The following PSTPIP1 variants were observed in gnomAD, a reference collection of about 807,000 sequenced individuals.
PSTPIP1 encodes proline-serine-threonine phosphatase interacting protein 1.
PSTPIP1 carries 66 observed loss-of-function variants against 69.6 expected under a neutral mutation model. The observed-to-expected ratio is 0.95, with a 90% CI of 0.78 to 1.16. PSTPIP1 has a LOEUF of 1.16. Among genes scored for constraint, PSTPIP1 ranks in the 50% most tolerant of loss-of-function variants. The pLI is 0.00. For synonymous variants in PSTPIP1, 266 were observed against 222.7 expected (o/e 1.19, Z -1.73); for missense variants, 603 against 557.4 (o/e 1.08, Z -0.82).
At chr15:77,016,621 G>T (rs149869928) in intron 1 of PSTPIP1, among the ~76,000 whole-genome samples, 1 of 152,040 alleles carries the variant, frequency 6.6e-6, no homozygotes, top group Admixed American at 6.5e-5. Context: ...GCTTATGGAG[G>T]GGGTAGGAGC....
intron 1 of PSTPIP1, among the ~76,000 whole-genome samples, chr15:76,999,282 CTT>C (rs35274013): frequency 1.4e-5 from 2 of 144,838 alleles, no homozygotes; most frequent in African/African-American, 5.1e-5. Context: ...CTTCATTTCA[CTT>C]TTTTTTTTTT....
rs566088503 is a variant in PSTPIP1, at chr15:77,012,112, GCCATCCATCCATCCATCCAT to G, written c.37-6008_37-5989del. On this transcript the variant is annotated intron_variant, in intron 1 of 14. Transcript: ENST00000558012. The stretch of plus-strand genomic sequence containing the variant: ...ACCGCCTTGTTTACTGAGGGCTCTG[GCCATCCATCCATCCATCCAT>G]CCATCCATCCATCCATCCATCCATC... Among the ~76,000 whole-genome samples, 42 of 88,556 alleles carry G rather than the reference GCCATCCATCCATCCATCCAT, an allele frequency of 4.7e-4. 1 individual carries two copies. In the East Asian group the frequency reaches 7.4e-3, roughly 16 times the overall value. 58.1% of individuals were successfully genotyped at this position (88,556 alleles called of 152,430 possible). A position where few individuals can be genotyped will look rare whatever the true frequency, so the allele number is the denominator to read the frequency against.
chr15:77,033,405 G>A (rs1270397631), intron 12 of PSTPIP1, among the ~76,000 whole-genome samples: 2 of 152,172 alleles, frequency 1.3e-5, no homozygotes, highest in African/African-American at 4.8e-5. Context: ...GTGTGACCTG[G>A]GCAAGTCATT....
At chr15:77,021,533 G>T (rs2076161794) in intron 3 of PSTPIP1, among the ~76,000 whole-genome samples, 1 of 152,148 alleles carries the variant, frequency 6.6e-6, no homozygotes. Context: ...ATAAAAATTA[G>T]TTGGGCATGG....
Position 77,031,173 on chromosome 15 carries a change from C to T in PSTPIP1, c.643-7C>T, listed in dbSNP as rs1386857648. ...CTCACTGCTCACCTCCCTCCCACTGCCCCCAGGCCTTTCAGCTGCAAGAGT... is the reference window on the plus strand; with the variant it reads ...CTCACTGCTCACCTCCCTCCCACTGTCCCCAGGCCTTTCAGCTGCAAGAGT... On this transcript the variant is annotated splice_region_variant and splice_polypyrimidine_tract_variant and intron_variant, in intron 9 of 14. Transcript: ENST00000558012. 1 of 1,611,346 alleles carries T rather than the reference C, an allele frequency of 6.2e-7. No homozygotes were observed. Among genetic ancestry groups the T allele is most frequent in the Admixed American group, 1.7e-5 (1 of 59,978 alleles).
intron 3 of PSTPIP1, among the ~76,000 whole-genome samples, chr15:77,021,759 C>A (rs1284374866): frequency 6.6e-6 from 1 of 152,216 alleles, no homozygotes; most frequent in Non-Finnish European, 1.5e-5. Flanking sequence ...AGAGACTTTG[C>A]CTGACTCTCC....
In PSTPIP1 at chr15:77,035,950, C is replaced by A. The variant is rs755168700; in HGVS notation, c.1119+15C>A. 5.1e-6 allele frequency: 8 copies of A among 1,580,146 alleles called. No homozygotes were observed. The highest frequency in any genetic ancestry group is 1.1e-5 in the South Asian group (1 of 87,486). On this transcript the variant is annotated intron_variant, in intron 14 of 14. Transcript: ENST00000558012. ...ATACAGCGCAGGTGAGGCCTCTATA[C>A]CCCAAACCCACCTGTGCCACCTCCC...
At chr15:77,011,793 C>T (rs2075938889) in intron 1 of PSTPIP1, among the ~76,000 whole-genome samples, 1 of 152,168 alleles carries the variant, frequency 6.6e-6, no homozygotes, top group Non-Finnish European at 1.5e-5. Flanking sequence ...TGCTTACAGA[C>T]TGTAGTGATG....
intron 11 of PSTPIP1, 198 bp from the exon 12 acceptor site, chr15:77,032,664 T>A: frequency 3.2e-6 from 2 of 624,006 alleles, no homozygotes; most frequent in Middle Eastern, 2.7e-4. Flanking sequence ...GCCTGTTTGG[T>A]TCCACTGGAT....
intron 1 of PSTPIP1, among the ~76,000 whole-genome samples, chr15:77,001,977 T>C (rs1162015346): frequency 6.6e-6 from 1 of 152,230 alleles, no homozygotes; most frequent in Non-Finnish European, 1.5e-5. Context: ...ATTCAAAAAT[T>C]AAATCAAACA....
chr15:77,028,583 G>C lies in PSTPIP1; in HGVS notation c.447G>C (p.Arg149=). 6.2e-7 allele frequency: 1 copy of C among 1,603,408 alleles called. No individual in the cohort carries two copies. Among genetic ancestry groups the C allele is most frequent in the Non-Finnish European group, 8.5e-7 (1 of 1,175,738 alleles). Residue 149 remains arginine (R), a synonymous_variant, in exon 7 of 15, where the codon CGG becomes CGC. Coordinates refer to ENST00000558012, the MANE Select transcript of PSTPIP1 (RefSeq NM_003978.5). ...AGAAGACATACGAGCAGAAGTGCCG[G>C]GACGCGGACGACGCGGAGCAGGCCT... ...ESKKTYEQKC[R]DADDAEQAFE...
At chr15:77,034,322 T>G (rs1403228776) in intron 12 of PSTPIP1, among the ~76,000 whole-genome samples, 1 of 152,146 alleles carries the variant, frequency 6.6e-6, no homozygotes, top group East Asian at 1.9e-4. Context: ...CCTGGGGAGC[T>G]GGCACGTGTG....
At chr15:77,033,820 G>A (rs1359796655) in intron 12 of PSTPIP1, among the ~76,000 whole-genome samples, 1 of 151,774 alleles carries the variant, frequency 6.6e-6, no homozygotes, top group Non-Finnish European at 1.5e-5. Context: ...GCTTAGAGAG[G>A]GCACACACAC....
At chr15:77,000,781 A>G (rs781626138) in intron 1 of PSTPIP1, among the ~76,000 whole-genome samples, 85 of 152,230 alleles carry the variant, frequency 5.6e-4, no homozygotes, top group Non-Finnish European at 1.1e-3. Context: ...GGCTCAAGCA[A>G]TCCTCCTGCC....
intron 1 of PSTPIP1, among the ~76,000 whole-genome samples, chr15:77,017,101 C>T (rs2076066104): frequency 6.6e-6 from 1 of 152,134 alleles, no homozygotes; most frequent in Non-Finnish European, 1.5e-5. Flanking sequence ...AATCCTGTCT[C>T]CCCAGCACCT....
chr15:77,029,576 T>C lies in PSTPIP1; in HGVS notation c.562+2T>C. On this transcript the variant is annotated splice_donor_variant, in intron 8 of 14. Transcript: ENST00000558012. LOFTEE classifies it high-confidence loss of function. Reference sequence around the variant, plus strand: ...GCAAGGACTCGGCCACCGAGGCAGGTATGTGGGCCTGGCTGCCCCGTCCGA... The same window carrying C: ...GCAAGGACTCGGCCACCGAGGCAGGCATGTGGGCCTGGCTGCCCCGTCCGA... 6.3e-6 allele frequency: 10 copies of C among 1,575,794 alleles called. No individual in the cohort carries two copies. The highest frequency in any genetic ancestry group is 7.7e-6 in the Non-Finnish European group (9 of 1,161,872).
intron 1 of PSTPIP1, among the ~76,000 whole-genome samples, chr15:77,003,404 G>A (rs960794752): frequency 1.3e-5 from 2 of 152,120 alleles, no homozygotes; most frequent in Admixed American, 1.3e-4. Flanking sequence ...GAAGGAAATC[G>A]GCTTCTTGGG....
At chr15:77,035,694 A>T in intron 13 of PSTPIP1, 108 bp from the exon 14 acceptor site, 1 of 1,478,290 alleles carries the variant, frequency 6.8e-7, no homozygotes, top group East Asian at 2.4e-5. Flanking sequence ...AAGTGTGGAC[A>T]GCAGAAGGAA....
intron 1 of PSTPIP1, among the ~76,000 whole-genome samples, chr15:77,009,302 C>T (rs558290697): frequency 5.3e-4 from 81 of 152,184 alleles, no homozygotes; most frequent in African/African-American, 1.8e-3. Context: ...AGGAAGGGCA[C>T]GGGCATAGGA....
Sources: allele counts gnomAD v4.1 joint callset (sites outside exome capture counted in the v4.1 genomes callset), GRCh38; gene constraint gnomAD v4.1.1; transcripts MANE v1.5; gene names NCBI Gene and HGNC (gene_info 2026-07-23, HGNC 2026-07-21).